CELSR1: variants seen among roughly 807,000 people sequenced by gnomAD.
The protein encoded by CELSR1 is cadherin EGF LAG seven-pass G-type receptor 1.
CELSR1 carries 110 observed loss-of-function variants against 249.1 expected under a neutral mutation model. The observed-to-expected ratio is 0.44, with a 90% confidence interval of 0.38 to 0.52. CELSR1 has a LOEUF of 0.52. Among genes scored for constraint, CELSR1 ranks in the 20% least tolerant of loss-of-function variants. The pLI is 0.00. For missense variants in CELSR1, 4,109 were observed against 4,296.4 expected (o/e 0.96, Z 1.22); for synonymous variants, 2,113 against 1,900.0 (o/e 1.11, Z -2.92).
intron 1 of CELSR1, 152 bp downstream of exon 1, chr22:46,533,475 C>G: frequency 8.4e-7 from 1 of 1,194,904 alleles, no homozygotes; most frequent in Non-Finnish European, 1.1e-6. Context: ...GCGCCCACCC[C>G]CAGCATCCAA....
At chr22:46,521,230 G>A (rs569522748) in intron 1 of CELSR1, among the ~76,000 whole-genome samples, 24 of 152,188 alleles carry the variant, frequency 1.6e-4, no homozygotes, top group Admixed American at 8.5e-4. Flanking sequence ...TCAGCCGGGC[G>A]CGGTGGCTCA....
At chr22:46,455,682 G>C (rs983921352) in intron 2 of CELSR1, among the ~76,000 whole-genome samples, 1 of 152,174 alleles carries the variant, frequency 6.6e-6, no homozygotes, top group South Asian at 2.1e-4. Flanking sequence ...CACGGAAGCC[G>C]GAGGAGGACT....
Position 46,401,692 on chromosome 22 carries a change from G to A in CELSR1, c.5227-1790C>T, listed in dbSNP as rs778326698. 6.6e-6 allele frequency among the ~76,000 whole-genome samples: 1 copy of A among 152,198 alleles called. No homozygotes were observed. Among genetic ancestry groups the A allele is most frequent in the Non-Finnish European group, 1.5e-5 (1 of 68,026 alleles). Reference sequence around the variant, plus strand: ...TGGGGCTGGAGGATTAAAAACTGGGGTTCATGGACTGCCAAGGGTTGTTCC... The same window carrying A: ...TGGGGCTGGAGGATTAAAAACTGGGATTCATGGACTGCCAAGGGTTGTTCC... On this transcript the variant is annotated intron_variant, in intron 9 of 34. Coordinates refer to ENST00000674500, the MANE Select transcript of CELSR1 (RefSeq NM_001378328.1). The surrounding 1 kb of genome is among the most constrained non-coding windows in gnomAD (Gnocchi z 4.7).
At chr22:46,425,326 GCTCT>G (rs920791918) in intron 5 of CELSR1, among the ~76,000 whole-genome samples, 4 of 152,178 alleles carry the variant, frequency 2.6e-5, no homozygotes, top group African/African-American at 7.2e-5. Context: ...ACTGGGAAGT[GCTCT>G]CTATTTTCTG....
chr22:46,372,189 TACTC>T (rs1370852466), intron 25 of CELSR1, among the ~76,000 whole-genome samples: 2 of 128,002 alleles, frequency 1.6e-5, no homozygotes, highest in African/African-American at 6.1e-5. Context: ...CCCATCCATC[TACTC>T]ACTCACCCCT....
At position 46,396,809 on chromosome 22, in the gene CELSR1, T is replaced by C; in HGVS notation, c.5702-63A>G. On this transcript the variant is annotated intron_variant, in intron 12 of 34. Coordinates refer to ENST00000674500, the MANE Select transcript of CELSR1 (RefSeq NM_001378328.1). This position sits in a 1 kb window ranked among gnomAD's most constrained non-coding sequence, Gnocchi z 6.4. ...CCACGAGACCTTCCACGTTAAAATA[T>C]CTGGAGCAACCTGTCCCCTCCAGAA... 1.3e-6 allele frequency: 2 copies of C among 1,571,906 alleles called. No individual in the cohort carries two copies. The highest frequency in any genetic ancestry group is 1.8e-5 in the Admixed American group (1 of 54,180).
In CELSR1 at chr22:46,500,557, C is replaced by T. The variant is rs1250791819; in HGVS notation, c.3544+33070G>A. 6.6e-6 allele frequency among the ~76,000 whole-genome samples: 1 copy of T among 151,984 alleles called. No individual in the cohort carries two copies. The highest frequency in any genetic ancestry group is 1.5e-5 in the Non-Finnish European group (1 of 67,940). On this transcript the variant is annotated intron_variant, in intron 1 of 34. Transcript: ENST00000674500. This position sits in a 1 kb window ranked among gnomAD's most constrained non-coding sequence, Gnocchi z 4.9. ...GAGCTCTGGGAGCTTCCAAAGGGGG[C>T]GTCAATGACACCCATAACTTGTCAC...
chr22:46,449,331 AACCACATCAC>A (rs776730650), intron 2 of CELSR1, among the ~76,000 whole-genome samples: 1 of 140,498 alleles, frequency 7.1e-6, no homozygotes, highest in Non-Finnish European at 1.5e-5. Context: ...CCATCCATCC[AACCACATCAC>A]ACATCCATCC....
rs1025410649 is a variant in CELSR1 at position 46,535,506 on chromosome 22, C to T, written c.1665G>A (p.Val555=). 1.9e-6 allele frequency: 3 copies of T among 1,612,910 alleles called. No individual in the cohort carries two copies. The highest frequency in any genetic ancestry group is 2.2e-5 in the South Asian group (2 of 91,060). ...TAGGCTCGTTGTCGTTGACATCCAG[C>T]ACCTGCACAGACACCACCCCTGAAG... ...INSSGVVSVQ[V]LDVNDNEPIF... Residue 555 remains valine (V), a synonymous_variant, in exon 1 of 35, where the codon GTG becomes GTA. Transcript: ENST00000674500.
In CELSR1 at chr22:46,434,406, T is replaced by A. The variant is rs139854874; in HGVS notation, c.4523-925A>T. Among the ~76,000 whole-genome samples, 130 of 152,270 alleles carry A rather than the reference T, an allele frequency of 8.5e-4. 1 individual carries two copies. The highest frequency in any genetic ancestry group is 2.9e-3 in the African/African-American group (120 of 41,542). ...TGGGTACCAGGTCCCGGGCAGAGAA[T>A]ACCGTCTCCAGGGAACCAGCAGGAG... is the stretch of plus-strand genomic sequence containing the variant. On this transcript the variant is annotated intron_variant, in intron 4 of 34. Coordinates refer to ENST00000674500, the MANE Select transcript of CELSR1 (RefSeq NM_001378328.1). The surrounding 1 kb of genome is among the most constrained non-coding windows in gnomAD (Gnocchi z 4.9).
chr22:46,492,124 G>A (rs556112461), intron 1 of CELSR1, among the ~76,000 whole-genome samples: 3 of 152,232 alleles, frequency 2.0e-5, no homozygotes, highest in East Asian at 1.9e-4. Flanking sequence ...GAAGCAGGAC[G>A]TTCCCTCGGG....
At chr22:46,435,198 C>T (rs562429019) in intron 4 of CELSR1, among the ~76,000 whole-genome samples, 11 of 150,434 alleles carry the variant, frequency 7.3e-5, no homozygotes, top group African/African-American at 1.7e-4. Flanking sequence ...GCAATCTGCC[C>T]GCCTTGGCCT....
intron 1 of CELSR1, among the ~76,000 whole-genome samples, chr22:46,533,386 G>C (rs1195380548): frequency 6.6e-6 from 1 of 152,248 alleles, no homozygotes; most frequent in Non-Finnish European, 1.5e-5. Context: ...CTTGAACTTG[G>C]GAGAACCGCA....
intron 14 of CELSR1, 78 bp downstream of exon 14, chr22:46,394,064 G>A (rs540029185): frequency 6.5e-7 from 1 of 1,545,984 alleles, no homozygotes; most frequent in East Asian, 2.3e-5. Flanking sequence ...GTATGTGAAG[G>A]CGTGTGTGTA....
chr22:46,366,570 C>G, intron 29 of CELSR1, 90 bp from the exon 30 acceptor site: 1 of 1,026,462 alleles, frequency 9.7e-7, no homozygotes, highest in Non-Finnish European at 1.5e-6. Flanking sequence ...GCAAGCCCCC[C>G]ACACCCACAC....
At chr22:46,431,663 G>A (rs1233202502) in intron 5 of CELSR1, among the ~76,000 whole-genome samples, 2 of 152,194 alleles carry the variant, frequency 1.3e-5, no homozygotes, top group African/African-American at 2.4e-5. Context: ...AGTAGGCAGC[G>A]CCAGGCAGCA....
intron 2 of CELSR1, among the ~76,000 whole-genome samples, chr22:46,455,212 C>G (rs1218518023): frequency 6.6e-6 from 1 of 152,144 alleles, no homozygotes; most frequent in Non-Finnish European, 1.5e-5. Context: ...GCCTCCAGAA[C>G]AGTAAGACAA....
chr22:46,447,276 T>C lies in CELSR1; in HGVS notation c.4184-7865A>G, dbSNP rs968289085. On this transcript the variant is annotated intron_variant, in intron 2 of 34. Transcript: ENST00000674500. This position sits in a 1 kb window ranked among gnomAD's most constrained non-coding sequence, Gnocchi z 4.7. ...GTGTCTTTTAGCTCTGTATCTTTTA[T>C]TTTCTAATAGAGCTTTTATAAGACA... 6.6e-6 allele frequency among the ~76,000 whole-genome samples: 1 copy of C among 152,216 alleles called. No individual in the cohort carries two copies. The highest frequency in any genetic ancestry group is 2.4e-5 in the African/African-American group (1 of 41,462).
chr22:46,363,267 A>G lies in CELSR1; in HGVS notation c.9036-20T>C, dbSNP rs1017685261. The G allele has an allele frequency of 1.2e-6, 2 of 1,606,854 alleles. No individual in the cohort carries two copies. The highest frequency in any genetic ancestry group is 8.5e-7 in the Non-Finnish European group (1 of 1,174,408). On this transcript the variant is annotated intron_variant, in intron 34 of 34. Transcript: ENST00000674500. This position sits in a 1 kb window ranked among gnomAD's most constrained non-coding sequence, Gnocchi z 4.3. ...CTGCCTCTGCGCGTGGGAAGAAGCC[A>G]GCAAGCAGGTGAAGGGTCAGTGAGG...
Sources: gnomAD v4.1 joint callset for allele counts (sites outside exome capture counted in the v4.1 genomes callset) on GRCh38, gnomAD v4.1.1 for gene constraint, Gnocchi (gnomAD v3.1) non-coding constraint, MANE v1.5 for transcripts, NCBI Gene and HGNC (gene_info 2026-07-23, HGNC 2026-07-21) for gene names.